Variants in CSMD1 observed in about 807,000 individuals in gnomAD.
CSMD1 encodes the protein CUB and Sushi multiple domains 1.
In CSMD1, 213 loss-of-function variants were observed where a neutral mutation model predicts 417.5. The ratio of observed to expected loss-of-function variants is 0.51; its 90% CI spans 0.46 to 0.57. CSMD1 has a LOEUF of 0.57. Among genes scored for constraint, CSMD1 ranks in the 20% least tolerant of loss-of-function variants. The pLI is 0.00. For missense variants in CSMD1, 6,923 were observed against 4,529.7 expected, an observed-to-expected ratio of 1.53 and a Z score of -15.17; for synonymous variants, 2,862 against 1,736.8, an observed-to-expected ratio of 1.65 and a Z score of -16.11.
chr8:4,134,072 T>C (rs1585388969), intron 3 of CSMD1, among the ~76,000 whole-genome samples: 1 of 152,204 alleles, frequency 6.6e-6, no homozygotes, highest in East Asian at 1.9e-4. Flanking sequence ...TTAATTGCTA[T>C]TATTATAAGA....
intron 5 of CSMD1, among the ~76,000 whole-genome samples, chr8:3,885,650 C>T (rs549720131): frequency 2.0e-5 from 3 of 152,070 alleles, no homozygotes; most frequent in East Asian, 1.9e-4. Context: ...GTTCTCTATT[C>T]CCCCTCATTA....
At chr8:3,913,816 T>C (rs1808620245) in intron 5 of CSMD1, among the ~76,000 whole-genome samples, 1 of 152,114 alleles carries the variant, frequency 6.6e-6, no homozygotes, top group South Asian at 2.1e-4. Context: ...ACTAGAGTAT[T>C]AGAACCAACT....
At chr8:3,465,905 G>T (rs911766030) in intron 12 of CSMD1, among the ~76,000 whole-genome samples, 1 of 152,150 alleles carries the variant, frequency 6.6e-6, no homozygotes, top group Admixed American at 6.5e-5. Flanking sequence ...GAAACTATGA[G>T]AAAATGTCGA....
At chr8:4,545,104 G>A (rs948410494) in intron 2 of CSMD1, among the ~76,000 whole-genome samples, 2 of 152,162 alleles carry the variant, frequency 1.3e-5, no homozygotes, top group African/African-American at 4.8e-5. Context: ...ATGTTAAGAG[G>A]GGACATAGTA....
chr8:4,408,414 G>A (rs1429508569), intron 3 of CSMD1, among the ~76,000 whole-genome samples: 1 of 152,224 alleles, frequency 6.6e-6, no homozygotes, highest in Admixed American at 6.5e-5. Flanking sequence ...ATTCTCCATT[G>A]ATCAGGTTTT....
At chr8:3,517,285 C>G (rs185020175) in intron 10 of CSMD1, among the ~76,000 whole-genome samples, 4 of 152,128 alleles carry the variant, frequency 2.6e-5, no homozygotes, top group Admixed American at 6.5e-5. Context: ...CACAAGAGAA[C>G]AAAAGATGGA....
intron 3 of CSMD1, among the ~76,000 whole-genome samples, chr8:4,251,055 T>C (rs1396424983): frequency 6.6e-6 from 1 of 152,226 alleles, no homozygotes; most frequent in Non-Finnish European, 1.5e-5. Flanking sequence ...AAGCCAGTAA[T>C]CTGCAGGTGC....
At chr8:4,821,321 A>G (rs1322510869) in intron 1 of CSMD1, among the ~76,000 whole-genome samples, 1 of 152,196 alleles carries the variant, frequency 6.6e-6, no homozygotes, top group Non-Finnish European at 1.5e-5. Context: ...CCATTTAAGA[A>G]TCCGTTAGTC....
chr8:4,771,081 A>G (rs772688179), intron 1 of CSMD1, among the ~76,000 whole-genome samples: 1 of 152,214 alleles, frequency 6.6e-6, no homozygotes. Context: ...AATATTCAAG[A>G]TTTGTAAATA....
chr8:3,739,920 A>G (rs1047426542), intron 6 of CSMD1, among the ~76,000 whole-genome samples: 3 of 152,160 alleles, frequency 2.0e-5, no homozygotes, highest in African/African-American at 7.2e-5. Flanking sequence ...CAATGAGGAT[A>G]TTTTCTCTAA....
At chr8:3,847,625 C>A (rs1302760586) in intron 5 of CSMD1, among the ~76,000 whole-genome samples, 2 of 152,096 alleles carry the variant, frequency 1.3e-5, no homozygotes, top group African/African-American at 2.4e-5. Context: ...ACCGATGGAG[C>A]CCCGAGAAAA....
At chr8:3,026,151 G>C (rs947057075) in intron 51 of CSMD1, among the ~76,000 whole-genome samples, 2 of 152,144 alleles carry the variant, frequency 1.3e-5, no homozygotes, top group Non-Finnish European at 2.9e-5. Context: ...CAGGAACTAA[G>C]TCCTTCCTGA....
At chr8:4,190,665 C>A (rs1303188682) in intron 3 of CSMD1, among the ~76,000 whole-genome samples, 1 of 151,648 alleles carries the variant, frequency 6.6e-6, no homozygotes, top group South Asian at 2.1e-4. Context: ...AAATCTTTGA[C>A]TATATAACCA....
At chr8:3,220,225 C>A (rs1474315139) in intron 28 of CSMD1, among the ~76,000 whole-genome samples, 1 of 151,846 alleles carries the variant, frequency 6.6e-6, no homozygotes, top group African/African-American at 2.4e-5. Context: ...CAGAGTGTAA[C>A]CTTTCTCACA....
At chr8:4,944,788 G>T (rs1447522982) in intron 1 of CSMD1, among the ~76,000 whole-genome samples, 20 of 152,116 alleles carry the variant, frequency 1.3e-4, no homozygotes, top group Admixed American at 8.5e-4. Context: ...CAAACCCGCT[G>T]CACTCTTGGT....
intron 3 of CSMD1, among the ~76,000 whole-genome samples, chr8:4,187,874 T>C (rs1220119423): frequency 1.3e-5 from 2 of 152,096 alleles, no homozygotes; most frequent in Non-Finnish European, 2.9e-5. Flanking sequence ...TTTTATTCTC[T>C]CAGGCCATGG....
chr8:3,174,136 T>A lies in CSMD1; in HGVS notation c.5725+6974A>T, dbSNP rs76349564. Among the ~76,000 whole-genome samples, 674 of 152,316 alleles carry A rather than the reference T, an allele frequency of 4.4e-3. 9 individuals are homozygous for A. The East Asian group carries it at 0.045, about 10-fold the overall frequency. On this transcript the variant is annotated intron_variant, in intron 37 of 69. Transcript: ENST00000635120. ...AATATTCTATTGACCAGTGTAATCATCAGCACAGCGAACTGCAGAAATTAA... is the reference window on the plus strand; with the variant it reads ...AATATTCTATTGACCAGTGTAATCAACAGCACAGCGAACTGCAGAAATTAA...
intron 26 of CSMD1, among the ~76,000 whole-genome samples, chr8:3,244,098 A>G (rs747072766): frequency 1.8e-4 from 28 of 152,366 alleles, no homozygotes; most frequent in South Asian, 6.2e-4. Flanking sequence ...TAGTACACAG[A>G]TCACAACGTG....
intron 5 of CSMD1, among the ~76,000 whole-genome samples, chr8:3,914,390 G>A (rs1378090791): frequency 6.6e-6 from 1 of 151,800 alleles, no homozygotes; most frequent in East Asian, 1.9e-4. Flanking sequence ...TACGGGTACA[G>A]ATAAAGATGT....
Sources: gnomAD v4.1 joint callset for allele counts (sites outside exome capture counted in the v4.1 genomes callset) on GRCh38, gnomAD v4.1.1 for gene constraint, MANE v1.5 for transcripts, NCBI Gene and HGNC (gene_info 2026-07-23, HGNC 2026-07-21) for gene names.